The following TRAPPC9 variants were observed in gnomAD, a reference collection of about 807,000 sequenced individuals.
TRAPPC9 encodes IKK2 binding protein.
A neutral mutation model predicts 124.0 loss-of-function variants in TRAPPC9; 83 were observed. The ratio of observed to expected loss-of-function variants is 0.67; its 90% confidence interval spans 0.56 to 0.80. TRAPPC9 has a LOEUF of 0.80. TRAPPC9 is among the 30% of genes least tolerant of loss of function. TRAPPC9 has a pLI of 0.00. For synonymous variants in TRAPPC9, 638 were observed against 617.5 expected, an observed-to-expected ratio of 1.03 and a Z score of -0.49; for missense variants, 1,302 against 1,508.3, an observed-to-expected ratio of 0.86 and a Z score of 2.27.
chr8:139,912,119 AAAAAG>A (rs1831777657), intron 19 of TRAPPC9, among the ~76,000 whole-genome samples: 1 of 152,216 alleles, frequency 6.6e-6, no homozygotes, highest in Admixed American at 6.5e-5. Context: ...AAAAAGCATA[AAAAAG>A]AAAATAAAAG....
intron 21 of TRAPPC9, among the ~76,000 whole-genome samples, chr8:139,810,860 A>G (rs1824394558): frequency 6.6e-6 from 1 of 152,088 alleles, no homozygotes; most frequent in South Asian, 2.1e-4. Flanking sequence ...GGGAGTCCCT[A>G]ATGAACTCTG....
At chr8:140,178,817 C>G (rs72687258) in intron 17 of TRAPPC9, among the ~76,000 whole-genome samples, 22,450 of 152,068 alleles carry the variant, frequency 0.15, 2,048 homozygotes, top group Middle Eastern at 0.22. Context: ...TTTAGGCATT[C>G]CGTTTCATCT....
chr8:140,118,566 C>G (rs987462386), intron 17 of TRAPPC9, among the ~76,000 whole-genome samples: 2 of 152,222 alleles, frequency 1.3e-5, no homozygotes, highest in African/African-American at 4.8e-5. Flanking sequence ...TCAGGGCCCA[C>G]TGGCCCCAGG....
At chr8:140,266,472 A>G (rs2064659729) in intron 15 of TRAPPC9, among the ~76,000 whole-genome samples, 1 of 147,938 alleles carries the variant, frequency 6.8e-6, no homozygotes, top group Admixed American at 6.7e-5. Context: ...AACAAGACAA[A>G]AAAAAAAAAA....
At chr8:140,046,077 C>G (rs909363891) in intron 17 of TRAPPC9, among the ~76,000 whole-genome samples, 7 of 152,220 alleles carry the variant, frequency 4.6e-5, no homozygotes, top group Admixed American at 1.3e-4. Context: ...AGCAAGCCAC[C>G]CTTCTCCCTG....
At chr8:139,938,677 C>T (rs1335688507) in intron 19 of TRAPPC9, among the ~76,000 whole-genome samples, 4 of 150,692 alleles carry the variant, frequency 2.7e-5, no homozygotes, top group Non-Finnish European at 5.9e-5. Context: ...CTCGCTCTGT[C>T]GCCCAGGCCG....
At chr8:140,075,775 C>T (rs78627939) in intron 17 of TRAPPC9, among the ~76,000 whole-genome samples, 8,401 of 152,286 alleles carry the variant, frequency 0.055, 287 homozygotes, top group East Asian at 0.077. Context: ...GGATGTAGAG[C>T]CAATGTCTGT....
At chr8:139,751,720 A>G (rs764063361) in intron 21 of TRAPPC9, among the ~76,000 whole-genome samples, 19 of 152,024 alleles carry the variant, frequency 1.2e-4, no homozygotes, top group Non-Finnish European at 2.1e-4. Flanking sequence ...TCTACCATCC[A>G]TCCATCCAGC....
rs528821624 is a variant in TRAPPC9, at chr8:140,252,310, G to C, written c.2431+467C>G. ...CAGAGTGCTGAGATTATAGGTGTGAGCCATCACACCCAGCCAATCTATGAA... is the reference window on the plus strand; with the variant it reads ...CAGAGTGCTGAGATTATAGGTGTGACCCATCACACCCAGCCAATCTATGAA... On this transcript the variant is annotated intron_variant, in intron 16 of 22. Coordinates refer to ENST00000438773, the MANE Select transcript of TRAPPC9 (RefSeq NM_001160372.4). This position sits in a 1 kb window ranked among gnomAD's most constrained non-coding sequence, Gnocchi z 4.2. 3.5e-4 allele frequency among the ~76,000 whole-genome samples: 53 copies of C among 152,280 alleles called. No homozygotes were observed. Among genetic ancestry groups the C allele is most frequent in the African/African-American group, 1.3e-3 (53 of 41,570 alleles).
chr8:139,821,546 G>C (rs1825253575), intron 21 of TRAPPC9, among the ~76,000 whole-genome samples: 1 of 152,252 alleles, frequency 6.6e-6, no homozygotes, highest in African/African-American at 2.4e-5. Flanking sequence ...GGAGAAATGT[G>C]GAAAAGGTCC....
At chr8:140,322,555 C>T (rs763163543) in intron 9 of TRAPPC9, among the ~76,000 whole-genome samples, 20 of 152,128 alleles carry the variant, frequency 1.3e-4, no homozygotes, top group Non-Finnish European at 2.1e-4. Flanking sequence ...AAGCCGGATG[C>T]GGTGGCTCAC....
intron 16 of TRAPPC9, among the ~76,000 whole-genome samples, chr8:140,246,055 A>C (rs1396903919): frequency 6.6e-6 from 1 of 152,188 alleles, no homozygotes; most frequent in Non-Finnish European, 1.5e-5. Context: ...ATAAATACTC[A>C]TTGCTTACCA....
intron 16 of TRAPPC9, among the ~76,000 whole-genome samples, chr8:140,244,533 C>T (rs1036913883): frequency 6.6e-6 from 1 of 152,148 alleles, no homozygotes; most frequent in Non-Finnish European, 1.5e-5. Flanking sequence ...ATGCTTTCAT[C>T]CCACCGTCAA....
chr8:139,742,895 G>C lies in TRAPPC9; in HGVS notation c.3056-10693C>G, dbSNP rs1818655668. 6.6e-6 allele frequency among the ~76,000 whole-genome samples: 1 copy of C among 152,184 alleles called. No homozygotes were observed. Among genetic ancestry groups the C allele is most frequent in the Non-Finnish European group, 1.5e-5 (1 of 68,036 alleles). ...TCAAACCACAGTGGACTTTTCAAGA[G>C]ACCTGCCTGACTGCACCCTAGAGAG... On this transcript the variant is annotated intron_variant, in intron 21 of 22. Transcript: ENST00000438773. This position sits in a 1 kb window ranked among gnomAD's most constrained non-coding sequence, Gnocchi z 4.7.
intron 17 of TRAPPC9, among the ~76,000 whole-genome samples, chr8:140,059,761 GTGT>G (rs1343544748): frequency 1.3e-5 from 2 of 152,086 alleles, no homozygotes; most frequent in African/African-American, 4.8e-5. Flanking sequence ...ACTTCTAATT[GTGT>G]TGTTTTCATG....
chr8:140,240,719 A>G (rs1170412611), intron 16 of TRAPPC9, among the ~76,000 whole-genome samples: 1 of 151,872 alleles, frequency 6.6e-6, no homozygotes, highest in Non-Finnish European at 1.5e-5. Context: ...ATTTTGCTTA[A>G]TTTTTTGTAG....
At chr8:140,385,773 T>C (rs1418617669) in intron 7 of TRAPPC9, among the ~76,000 whole-genome samples, 3 of 152,168 alleles carry the variant, frequency 2.0e-5, no homozygotes, top group Non-Finnish European at 2.9e-5. Context: ...TCTGAAACTA[T>C]TCCAATCAAT....
intron 21 of TRAPPC9, among the ~76,000 whole-genome samples, chr8:139,757,310 C>T (rs571995171): frequency 1.8e-3 from 243 of 136,866 alleles, no homozygotes; most frequent in Non-Finnish European, 2.9e-3. Flanking sequence ...GACAGCAGGT[C>T]GCAGGAGGAG....
chr8:139,999,076 C>T (rs1166726093), intron 18 of TRAPPC9, among the ~76,000 whole-genome samples: 1 of 151,734 alleles, frequency 6.6e-6, no homozygotes, highest in Non-Finnish European at 1.5e-5. Context: ...AGTGAATAAA[C>T]AAAAAACAAA....
Sources: gnomAD v4.1 joint callset for allele counts (sites outside exome capture counted in the v4.1 genomes callset) on GRCh38, gnomAD v4.1.1 for gene constraint, Gnocchi (gnomAD v3.1) non-coding constraint, MANE v1.5 for transcripts, NCBI Gene and HGNC (gene_info 2026-07-23, HGNC 2026-07-21) for gene names.